The following THUMPD3 variants were observed in gnomAD, a reference collection of about 807,000 sequenced individuals.
THUMPD3 encodes the protein tRNA (guanine(6)-N(2))-methyltransferase THUMP3.
A neutral mutation model predicts 54.5 loss-of-function variants in THUMPD3; 44 were observed. The ratio of observed to expected loss-of-function variants is 0.81; its 90% CI spans 0.63 to 1.04. The LOEUF is 1.04. Among genes scored for constraint, THUMPD3 ranks in the 50% least tolerant of loss-of-function variants. The pLI, the probability that THUMPD3 is intolerant of heterozygous loss-of-function variation, is 0.00. For synonymous variants in THUMPD3, 196 were observed against 201.4 expected (o/e 0.97, Z 0.23); for missense variants, 604 against 601.3 (o/e 1.00, Z -0.05).
chr3:9,379,556 C>T (rs769247260), intron 6 of THUMPD3, among the ~76,000 whole-genome samples: 12 of 152,198 alleles, frequency 7.9e-5, no homozygotes, highest in Admixed American at 2.0e-4. Context: ...CCTAGGGTCA[C>T]GTCACCTCAT....
At chr3:9,377,023 C>T (rs2596918) in intron 5 of THUMPD3, among the ~76,000 whole-genome samples, 19,510 of 151,924 alleles carry the variant, frequency 0.13, 2,168 homozygotes, top group East Asian at 0.35. Flanking sequence ...ATTACCTAGT[C>T]CCACAGAGCA....
intron 7 of THUMPD3, among the ~76,000 whole-genome samples, chr3:9,382,673 ATTG>A (rs1284773165): frequency 6.6e-6 from 1 of 152,168 alleles, no homozygotes; most frequent in Admixed American, 6.5e-5. Context: ...CTGCTTCAGC[ATTG>A]TTTTTAAAGT....
rs1456463886 is a variant in THUMPD3, at chr3:9,374,602, T to G, written c.894T>G (p.Phe298Leu). 2 of 1,614,184 alleles carry G rather than the reference T, an allele frequency of 1.2e-6. No homozygotes were observed. Among genetic ancestry groups the G allele is most frequent in the Non-Finnish European group, 8.5e-7 (1 of 1,180,004 alleles). Residue 298 changes from phenylalanine (F) to leucine (L), a missense_variant, in exon 5 of 10, where the codon TTT becomes TTG. Transcript: ENST00000452837. ...ESLHRRNITH[F>L]GPTTLRSTLA... The stretch of plus-strand genomic sequence containing the variant: ...TCCACCGAAGAAATATAACACATTT[T>G]GGACCTACAACTCTTAGATCAACTC...
At chr3:9,379,673 A>G (rs1225091167) in intron 6 of THUMPD3, among the ~76,000 whole-genome samples, 1 of 152,188 alleles carries the variant, frequency 6.6e-6, no homozygotes, top group African/African-American at 2.4e-5. Flanking sequence ...TCAAAAGCCT[A>G]TCATACAAAG....
At chr3:9,369,801 T>C (rs899310548) in intron 3 of THUMPD3, among the ~76,000 whole-genome samples, 7 of 152,368 alleles carry the variant, frequency 4.6e-5, no homozygotes, top group East Asian at 3.9e-4. Context: ...TTGATACTTA[T>C]TGATAATGAC....
In THUMPD3 at chr3:9,384,780, G is replaced by C; in HGVS notation, c.*92G>C. On this transcript the variant is annotated 3_prime_UTR_variant, in exon 10 of 10. Coordinates refer to ENST00000452837, the MANE Select transcript of THUMPD3 (RefSeq NM_001114092.2). Reference sequence around the variant, plus strand: ...AAAAGTATTAACAAAACTGCAGTCTGCACTCTTTAAACCTGTTTAAGGCTC... The same window carrying C: ...AAAAGTATTAACAAAACTGCAGTCTCCACTCTTTAAACCTGTTTAAGGCTC... 6.9e-7 allele frequency: 1 copy of C among 1,447,154 alleles called. No individual in the cohort carries two copies. Among genetic ancestry groups the C allele is most frequent in the Non-Finnish European group, 9.5e-7 (1 of 1,050,630 alleles). 89.6% of individuals were successfully genotyped at this position (1,447,154 alleles called of 1,614,324 possible).
In THUMPD3 at chr3:9,385,841, T is replaced by C. The variant is rs1443269004; in HGVS notation, c.*1153T>C. On this transcript the variant is annotated 3_prime_UTR_variant, in exon 10 of 10. Transcript: ENST00000452837. ...TTGGGAGTTATGTGAGTTGTTACTT[T>C]CTCCTGGATCACGATTCACATTTAA... 6.6e-6 allele frequency: 1 copy of C among 152,234 alleles called. No homozygotes were observed. Among genetic ancestry groups the C allele is most frequent in the Non-Finnish European group, 1.5e-5 (1 of 68,040 alleles). 9.4% of individuals were successfully genotyped at this position (152,234 alleles called of 1,614,324 possible).
At chr3:9,382,449 CA>C (rs1172529132) in intron 7 of THUMPD3, among the ~76,000 whole-genome samples, 1 of 152,034 alleles carries the variant, frequency 6.6e-6, no homozygotes, top group African/African-American at 2.4e-5. Flanking sequence ...TATAGCATGG[CA>C]CATATTTTCC....
rs768825828 is a variant in THUMPD3 at position 9,366,891 on chromosome 3, C to CT, written c.253-8dup. On this transcript the variant is annotated splice_polypyrimidine_tract_variant and intron_variant, in intron 2 of 9. Coordinates refer to ENST00000452837, the MANE Select transcript of THUMPD3 (RefSeq NM_001114092.2). ...CAAAAGCTTTCTCAGAAATGTGTTT[C>CT]TTTTTTTTTCACCCAGGTTCATTGT... 3.3e-4 allele frequency: 515 copies of CT among 1,568,820 alleles called. No individual in the cohort carries two copies. The highest frequency in any genetic ancestry group is 6.3e-4 in the Admixed American group (35 of 55,246).
At chr3:9,375,210 A>C (rs968509460) in intron 5 of THUMPD3, among the ~76,000 whole-genome samples, 59 of 152,314 alleles carry the variant, frequency 3.9e-4, no homozygotes, top group African/African-American at 1.4e-3. Context: ...GAATGAGGTT[A>C]CCACATTTCT....
At chr3:9,384,097 C>G (rs997625293) in intron 8 of THUMPD3, 115 bp from the exon 9 acceptor site, 3 of 1,212,946 alleles carry the variant, frequency 2.5e-6, no homozygotes, top group South Asian at 3.0e-5. Flanking sequence ...GGTCTGGTTT[C>G]TAAAACTACA....
intron 2 of THUMPD3, among the ~76,000 whole-genome samples, chr3:9,366,579 G>A (rs1559299024): frequency 6.6e-6 from 1 of 152,186 alleles, no homozygotes; most frequent in African/African-American, 2.4e-5. Context: ...AACCATTGCA[G>A]CATACAGTGT....
intron 5 of THUMPD3, among the ~76,000 whole-genome samples, chr3:9,375,103 C>T (rs188174694): frequency 1.3e-5 from 2 of 152,250 alleles, no homozygotes; most frequent in East Asian, 3.9e-4. Flanking sequence ...GTGATCCACC[C>T]GCCTCGGCCT....
Position 9,384,794 on chromosome 3 carries a change from T to G in THUMPD3, c.*106T>G. ...AACTGCAGTCTGCACTCTTTAAACC[T>G]GTTTAAGGCTCTTCATCCTGGTTAG... On this transcript the variant is annotated 3_prime_UTR_variant, in exon 10 of 10. Transcript: ENST00000452837. 4.0e-6 allele frequency: 5 copies of G among 1,263,662 alleles called. No individual in the cohort carries two copies. Among genetic ancestry groups the G allele is most frequent in the Non-Finnish European group, 5.5e-6 (5 of 907,664 alleles). 78.3% of individuals were successfully genotyped at this position (1,263,662 alleles called of 1,614,324 possible).
rs2033059888 is a variant in THUMPD3 at position 9,383,252 on chromosome 3, T to A, written c.1178T>A (p.Leu393Gln). 1 of 1,614,012 alleles carries A rather than the reference T, an allele frequency of 6.2e-7. No homozygotes were observed. The highest frequency in any genetic ancestry group is 1.1e-5 in the South Asian group (1 of 91,094). ...IDAVQWDICNLPLRTGSVDII... is the reference protein window; with the variant it reads ...IDAVQWDICNQPLRTGSVDII... ...GCTGTTCAGTGGGATATCTGCAATCTGCCATTGAGAACTGGCTCTGTGGAT... is the reference window on the plus strand; with the variant it reads ...GCTGTTCAGTGGGATATCTGCAATCAGCCATTGAGAACTGGCTCTGTGGAT... Residue 393 changes from leucine to glutamine, a missense_variant, in exon 8 of 10, where the codon CTG (leucine) becomes CAG (glutamine). Leu to Gln is a moderately radical substitution (Grantham distance 113). Transcript: ENST00000452837.
intron 5 of THUMPD3, among the ~76,000 whole-genome samples, chr3:9,376,006 G>T (rs755857932): frequency 6.6e-6 from 1 of 152,012 alleles, no homozygotes; most frequent in Non-Finnish European, 1.5e-5. Flanking sequence ...ATTCAATGAC[G>T]ATAATAGAAA....
chr3:9,372,256 C>G (rs1349030467), intron 4 of THUMPD3, among the ~76,000 whole-genome samples: 2 of 152,100 alleles, frequency 1.3e-5, no homozygotes, highest in Non-Finnish European at 2.9e-5. Flanking sequence ...TTTTGTGTGT[C>G]TTGGTTGCAG....
At chr3:9,383,561 T>C (rs1275890946) in intron 8 of THUMPD3, among the ~76,000 whole-genome samples, 1 of 152,174 alleles carries the variant, frequency 6.6e-6, no homozygotes, top group Non-Finnish European at 1.5e-5. Context: ...ATTCTTGAAT[T>C]ATATATCCTA....
In THUMPD3 at chr3:9,382,526, A is replaced by G. The variant is rs2033006706; in HGVS notation, c.1125-673A>G. Among the ~76,000 whole-genome samples, 5 of 152,020 alleles carry G rather than the reference A, an allele frequency of 3.3e-5. No individual in the cohort carries two copies. In the South Asian group the frequency reaches 8.3e-4, roughly 25 times the overall value. On this transcript the variant is annotated intron_variant, in intron 7 of 9. Transcript: ENST00000452837. ...CAATTTTACTATCTGTTTTTCTTTT[A>G]GGCCTCCTGTTATTACTAGTTTTAC...
Sources: allele counts gnomAD v4.1 joint callset (sites outside exome capture counted in the v4.1 genomes callset), GRCh38; gene constraint gnomAD v4.1.1; transcripts MANE v1.5; gene names NCBI Gene and HGNC (gene_info 2026-07-23, HGNC 2026-07-21).